The following SPG7 variants were observed in gnomAD, a reference collection of about 807,000 sequenced individuals.
SPG7 encodes the protein mitochondrial inner membrane m-AAA protease component paraplegin.
A neutral mutation model predicts 81.9 loss-of-function variants in SPG7; 103 were observed. The observed-to-expected ratio is 1.26, with a 90% CI of 1.07 to 1.48. SPG7 has a LOEUF of 1.48. Ranked by LOEUF, SPG7 falls within the 40% of genes most tolerant of loss-of-function variation. SPG7 has a pLI of 0.00. For synonymous variants in SPG7, 534 were observed against 444.2 expected, an observed-to-expected ratio of 1.20 and a Z score of -2.54; for missense variants, 1,241 against 1,087.3, an observed-to-expected ratio of 1.14 and a Z score of -1.99.
intron 9 of SPG7, among the ~76,000 whole-genome samples, chr16:89,542,609 G>T (rs568067466): frequency 1.3e-5 from 2 of 152,294 alleles, no homozygotes; most frequent in East Asian, 3.9e-4. Flanking sequence ...TTGCTTGGGA[G>T]TGGGGTGTGT....
chr16:89,553,167 T>TC, intron 14 of SPG7, 32 bp downstream of exon 14: 1 of 1,568,054 alleles, frequency 6.4e-7, no homozygotes, highest in Non-Finnish European at 8.6e-7. Flanking sequence ...CCTGGAGGTT[T>TC]CAGAGCGCTT....
At chr16:89,529,219 T>C (rs1031318181) in intron 5 of SPG7, 6 of 552,008 alleles carry the variant, frequency 1.1e-5, no homozygotes, top group South Asian at 4.1e-5. Flanking sequence ...AACGTTGTTA[T>C]TGTCACAAGG....
At chr16:89,509,034 G>T (rs1293935692) in intron 1 of SPG7, 1 of 447,974 alleles carries the variant, frequency 2.2e-6, no homozygotes, top group African/African-American at 2.0e-5. Flanking sequence ...TTCTGTGTCC[G>T]CAAAATACCC....
intron 9 of SPG7, chr16:89,544,218 G>A (rs1403817547): frequency 3.5e-6 from 1 of 287,034 alleles, no homozygotes; most frequent in African/African-American, 2.2e-5. Flanking sequence ...GAAACCCAGG[G>A]CCTAGGGCCA....
At chr16:89,554,427 C>A in intron 15 of SPG7, 59 bp from the exon 16 acceptor site, 1 of 1,188,700 alleles carries the variant, frequency 8.4e-7, no homozygotes, top group Non-Finnish European at 1.2e-6. Context: ...CTTTTCTGTG[C>A]TTTGGTGCTG....
intron 9 of SPG7, chr16:89,541,433 C>T: frequency 2.8e-6 from 2 of 707,824 alleles, no homozygotes; most frequent in Non-Finnish European, 3.5e-6. Context: ...GAACGGGTTA[C>T]TGGTTGTCAG....
intron 13 of SPG7, chr16:89,551,603 T>C (rs762538273): frequency 2.0e-5 from 3 of 152,234 alleles, no homozygotes; most frequent in Non-Finnish European, 4.4e-5. Context: ...AACACGACGT[T>C]TTAACACGGT....
In SPG7 at chr16:89,544,686, A is replaced by T; in HGVS notation, c.1363A>T (p.Thr455Ser). Residue 455 changes from threonine (T) to serine (S), a missense_variant, in exon 10 of 17, where the codon ACG becomes TCG. Coordinates refer to ENST00000645818, the MANE Select transcript of SPG7 (RefSeq NM_003119.4). ...TTDHVIVLAS[T>S]NRADILDGAL... ...AGACCATGTCATCGTCCTGGCGTCCACGAACCGAGCTGACATTTTGGACGG... is the reference window on the plus strand; with the variant it reads ...AGACCATGTCATCGTCCTGGCGTCCTCGAACCGAGCTGACATTTTGGACGG... 1.2e-6 allele frequency: 2 copies of T among 1,614,092 alleles called. No individual in the cohort carries two copies. Among genetic ancestry groups the T allele is most frequent in the Non-Finnish European group, 1.7e-6 (2 of 1,179,992 alleles).
At chr16:89,531,664 G>A (rs747892498) in intron 7 of SPG7, 9 of 535,642 alleles carry the variant, frequency 1.7e-5, no homozygotes, top group Non-Finnish European at 2.7e-5. Flanking sequence ...GTGAGCCACC[G>A]CACCTGGCCT....
chr16:89,550,709 T>A (rs1376629644), intron 13 of SPG7, 100 bp downstream of exon 13: 5 of 785,216 alleles, frequency 6.4e-6, no homozygotes, highest in Non-Finnish European at 1.1e-5. Flanking sequence ...CCTGTGTCTG[T>A]AGCTGACTGG....
At chr16:89,528,467 G>A (rs1597627227) in intron 5 of SPG7, among the ~76,000 whole-genome samples, 1 of 151,156 alleles carries the variant, frequency 6.6e-6, no homozygotes, top group African/African-American at 2.4e-5. Flanking sequence ...GGCCGATGAT[G>A]TACAGAACAG....
At chr16:89,526,934 G>A (rs1216931429) in intron 5 of SPG7, 1 of 224,142 alleles carries the variant, frequency 4.5e-6, no homozygotes, top group Non-Finnish European at 9.1e-6. Flanking sequence ...GGATGGCGAA[G>A]TCTCAGCCCC....
chr16:89,556,254 G>A, intron 16 of SPG7: 1 of 400,292 alleles, frequency 2.5e-6, no homozygotes, highest in Non-Finnish European at 4.4e-6. Flanking sequence ...AGCTTCAGGG[G>A]TTACCATTTT....
chr16:89,532,640 A>G lies in SPG7; in HGVS notation c.1324+4A>G, dbSNP rs1328072877. 1.9e-6 allele frequency: 3 copies of G among 1,613,128 alleles called. No individual in the cohort carries two copies. The highest frequency in any genetic ancestry group is 2.7e-5 in the African/African-American group (2 of 74,920). ...CAGCTTCTGGTAGAAATGGATGGTC[A>G]GTGCTCGTGCGCCCCGCACCCCCAT... On this transcript the variant is annotated splice_donor_region_variant and intron_variant, in intron 9 of 16. Transcript: ENST00000645818.
chr16:89,555,645 G>A (rs1173232978), intron 16 of SPG7: 2 of 381,030 alleles, frequency 5.2e-6, no homozygotes, highest in African/African-American at 4.1e-5. Context: ...TTGTTTTGAG[G>A]GCTCTGGCAG....
At chr16:89,510,156 G>T (rs1033609995) in intron 1 of SPG7, among the ~76,000 whole-genome samples, 1 of 151,460 alleles carries the variant, frequency 6.6e-6, no homozygotes, top group Admixed American at 6.6e-5. Flanking sequence ...TGTATTTTTA[G>T]TAGAGATGAG....
At chr16:89,534,611 C>T (rs757136949) in intron 9 of SPG7, among the ~76,000 whole-genome samples, 11 of 152,226 alleles carry the variant, frequency 7.2e-5, no homozygotes, top group African/African-American at 2.7e-4. Flanking sequence ...TGTCTGGAGT[C>T]GTGTGTGTTA....
In SPG7 at chr16:89,537,553, A is replaced by G. The variant is rs1312013054; in HGVS notation, c.1324+4917A>G. 4 of 991,494 alleles carry G rather than the reference A, an allele frequency of 4.0e-6. No individual in the cohort carries two copies. In the African/African-American group the frequency reaches 5.2e-5, roughly 13 times the overall value. The allele number at this position is 991,494 out of a possible 1,614,324, so 61.4% of individuals were successfully genotyped here. A position where few individuals can be genotyped will look rare whatever the true frequency, so the allele number is the denominator to read the frequency against. On this transcript the variant is annotated intron_variant, in intron 9 of 16. Transcript: ENST00000645818. Reference sequence around the variant, plus strand: ...GCTTCGACTTTTTTTTTCTTCAGAGACAGGGTGTCGTTCTGTCGCCCAGGC... The same window carrying G: ...GCTTCGACTTTTTTTTTCTTCAGAGGCAGGGTGTCGTTCTGTCGCCCAGGC...
Position 89,548,117 on chromosome 16 carries a change from C to G in SPG7, c.1663+4C>G, listed in dbSNP as rs755134616. 5 of 1,594,422 alleles carry G rather than the reference C, an allele frequency of 3.1e-6. No individual in the cohort carries two copies. The highest frequency in any genetic ancestry group is 1.3e-5 in the African/African-American group (1 of 74,864). On this transcript the variant is annotated splice_donor_region_variant and intron_variant, in intron 12 of 16. Transcript: ENST00000645818. ...GCCGTGGAGCGCGTCCTCGCAGGTA[C>G]AGGGGGCGCGCCCTGGGTGAAGGCC... is the stretch of plus-strand genomic sequence containing the variant.
Sources: gnomAD v4.1 joint callset for allele counts (sites outside exome capture counted in the v4.1 genomes callset) on GRCh38, gnomAD v4.1.1 for gene constraint, MANE v1.5 for transcripts, NCBI Gene and HGNC (gene_info 2026-07-23, HGNC 2026-07-21) for gene names.